Variants in DTNA observed in about 807,000 individuals in gnomAD.
DTNA encodes dystrophin-related protein 3.
In DTNA, 43 loss-of-function variants were observed where a neutral mutation model predicts 100.7. The observed-to-expected ratio is 0.43, with a 90% CI of 0.33 to 0.55. The LOEUF is 0.55. DTNA is among the 20% of genes least tolerant of loss of function. The pLI is 0.04. For missense variants in DTNA, 798 were observed against 953.9 expected, an observed-to-expected ratio of 0.84 and a Z score of 2.15; for synonymous variants, 349 against 347.9, an observed-to-expected ratio of 1.00 and a Z score of -0.04.
intron 1 of DTNA, among the ~76,000 whole-genome samples, chr18:34,565,117 A>G (rs957134899): frequency 1.3e-5 from 2 of 152,240 alleles, no homozygotes; most frequent in Admixed American, 1.3e-4. Context: ...ATGAAAAGAA[A>G]CATTTAATAA....
At chr18:34,827,826 TCATTTGTATG>T in intron 10 of DTNA, 150 bp downstream of exon 10, 1 of 837,478 alleles carries the variant, frequency 1.2e-6, no homozygotes, top group South Asian at 1.5e-5. Flanking sequence ...TCAATTTCAT[TCATTTGTATG>T]CATTTAAAGA....
chr18:34,874,897 G>C (rs611682), intron 17 of DTNA, among the ~76,000 whole-genome samples: 27,857 of 152,134 alleles, frequency 0.18, 3,371 homozygotes, highest in African/African-American at 0.35. Context: ...TGTCTTCTTA[G>C]TCCTCGGAGA....
intron 1 of DTNA, among the ~76,000 whole-genome samples, chr18:34,522,227 G>A (rs1473943045): frequency 2.0e-5 from 3 of 152,078 alleles, no homozygotes; most frequent in Non-Finnish European, 4.4e-5. Flanking sequence ...ATATTTCACT[G>A]TTATCCCTTT....
Position 34,859,459 on chromosome 18 carries a change from A to T in DTNA, c.1646+1061A>T, listed in dbSNP as rs546073373. On this transcript the variant is annotated intron_variant, in intron 16 of 22. Coordinates refer to ENST00000444659, the MANE Select transcript of DTNA (RefSeq NM_001386795.1). Reference sequence around the variant, plus strand: ...AGTTATTTGGGTACACCCTGTGTAAATGAGGACTTGGCCCAGGACCACTCT... The same window carrying T: ...AGTTATTTGGGTACACCCTGTGTAATTGAGGACTTGGCCCAGGACCACTCT... Among the ~76,000 whole-genome samples, 18 of 152,298 alleles carry T rather than the reference A, an allele frequency of 1.2e-4. No homozygotes were observed. In the South Asian group the frequency reaches 3.7e-3, roughly 32 times the overall value.
At chr18:34,614,666 A>G (rs966385353) in intron 1 of DTNA, among the ~76,000 whole-genome samples, 1 of 152,232 alleles carries the variant, frequency 6.6e-6, no homozygotes, top group Non-Finnish European at 1.5e-5. Context: ...TAGAATTAGA[A>G]GTAGAGCCTG....
chr18:34,501,677 A>C (rs1015852627), intron 1 of DTNA, among the ~76,000 whole-genome samples: 1 of 152,186 alleles, frequency 6.6e-6, no homozygotes, highest in Middle Eastern at 3.2e-3. Flanking sequence ...GCTGACATAA[A>C]ATACCACAGA....
rs1191600048 is a variant in DTNA at position 34,574,844 on chromosome 18, T to G, written c.-2+81330T>G. Among the ~76,000 whole-genome samples, 8 of 152,150 alleles carry G rather than the reference T, an allele frequency of 5.3e-5. No individual in the cohort carries two copies. In the East Asian group the frequency reaches 9.6e-4, roughly 18 times the overall value. On this transcript the variant is annotated intron_variant, in intron 1 of 19. Transcript: ENST00000283365. Reference sequence around the variant, plus strand: ...TTTGTAGACATGGGTTCTTGCTGTTTTGCCCAGATCTTTCTATTTCCTGGC... The same window carrying G: ...TTTGTAGACATGGGTTCTTGCTGTTGTGCCCAGATCTTTCTATTTCCTGGC...
intron 22 of DTNA, among the ~76,000 whole-genome samples, chr18:34,887,246 G>A (rs1335741201): frequency 2.0e-5 from 3 of 152,122 alleles, no homozygotes; most frequent in Admixed American, 1.3e-4. Context: ...TTGAAGAAAC[G>A]GTATACATAA....
At chr18:34,814,364 A>C (rs966355958) in intron 6 of DTNA, among the ~76,000 whole-genome samples, 5 of 151,958 alleles carry the variant, frequency 3.3e-5, no homozygotes, top group African/African-American at 1.2e-4. Flanking sequence ...ATCAGCTAGA[A>C]TAATAGGACT....
chr18:34,744,926 T>C (rs2091322057), intron 1 of DTNA, among the ~76,000 whole-genome samples: 1 of 151,380 alleles, frequency 6.6e-6, no homozygotes, highest in South Asian at 2.1e-4. Flanking sequence ...TAGTCAGACA[T>C]GTCTAGTCTT....
chr18:34,871,080 G>A (rs2096760952), intron 17 of DTNA, among the ~76,000 whole-genome samples: 1 of 152,202 alleles, frequency 6.6e-6, no homozygotes. Flanking sequence ...GTGCGGCCAG[G>A]CATGACCAGA....
intron 3 of DTNA, among the ~76,000 whole-genome samples, chr18:34,766,719 T>C (rs2093494476): frequency 6.6e-6 from 1 of 152,150 alleles, no homozygotes; most frequent in African/African-American, 2.4e-5. Context: ...TTATAAAATA[T>C]CAAACATTAA....
intron 3 of DTNA, among the ~76,000 whole-genome samples, chr18:34,773,577 T>G (rs554399827): frequency 6.6e-6 from 1 of 152,344 alleles, no homozygotes; most frequent in Non-Finnish European, 1.5e-5. Context: ...TCATTCCTGA[T>G]GTTGAATCAT....
At chr18:34,633,357 CAGTA>C (rs1221707444) in intron 1 of DTNA, among the ~76,000 whole-genome samples, 2 of 151,908 alleles carry the variant, frequency 1.3e-5, no homozygotes, top group Non-Finnish European at 2.9e-5. Context: ...AAACATAAAA[CAGTA>C]AGAAACTTTA....
intron 1 of DTNA, among the ~76,000 whole-genome samples, chr18:34,682,840 G>GA (rs1051542669): frequency 2.6e-5 from 4 of 151,284 alleles, no homozygotes; most frequent in South Asian, 2.1e-4. Flanking sequence ...TTTAAAAACT[G>GA]AAAAAAAATT....
intron 22 of DTNA, among the ~76,000 whole-genome samples, chr18:34,885,563 A>G (rs2096914113): frequency 6.6e-6 from 1 of 152,244 alleles, no homozygotes; most frequent in African/African-American, 2.4e-5. Flanking sequence ...TGGGCAAATT[A>G]TTAAACCCGT....
intron 1 of DTNA, among the ~76,000 whole-genome samples, chr18:34,511,619 G>T (rs2041101932): frequency 6.6e-6 from 1 of 152,038 alleles, no homozygotes; most frequent in African/African-American, 2.4e-5. Context: ...TTCAAGTCAT[G>T]TGTAACTAGA....
chr18:34,686,550 T>C (rs915011982), intron 1 of DTNA, among the ~76,000 whole-genome samples: 1 of 152,218 alleles, frequency 6.6e-6, no homozygotes, highest in African/African-American at 2.4e-5. Context: ...CAGTACGTTA[T>C]TGAAGATTTT....
At chr18:34,716,851 TAAG>T (rs1270855135) in intron 1 of DTNA, among the ~76,000 whole-genome samples, 1 of 152,208 alleles carries the variant, frequency 6.6e-6, no homozygotes, top group East Asian at 1.9e-4. Context: ...GATTTGCAAA[TAAG>T]AAGTCTCATA....
Sources: allele counts gnomAD v4.1 joint callset (sites outside exome capture counted in the v4.1 genomes callset), GRCh38; gene constraint gnomAD v4.1.1; transcripts MANE v1.5; gene names NCBI Gene and HGNC (gene_info 2026-07-23, HGNC 2026-07-21).